Variants in AGBL1 observed in about 807,000 individuals in gnomAD.
The protein encoded by AGBL1 is AGBL carboxypeptidase 1, also known as cytosolic carboxypeptidase 4.
A neutral mutation model predicts 118.9 loss-of-function variants in AGBL1; 130 were observed. The ratio of observed to expected loss-of-function variants is 1.09; its 90% CI spans 0.95 to 1.26. The LOEUF is 1.26. AGBL1 is among the 50% of genes most tolerant of loss of function. The pLI is 0.00. For synonymous variants in AGBL1, 555 were observed against 478.9 expected, an observed-to-expected ratio of 1.16 and a Z score of -2.08; for missense variants, 1,584 against 1,298.1, an observed-to-expected ratio of 1.22 and a Z score of -3.38.
chr15:86,182,393 C>G (rs1328875878), intron 5 of AGBL1, among the ~76,000 whole-genome samples: 3 of 151,934 alleles, frequency 2.0e-5, no homozygotes, highest in East Asian at 3.9e-4. Flanking sequence ...CTGCTACATC[C>G]TATCTGCTGT....
chr15:86,208,760 CA>C lies in AGBL1; in HGVS notation c.489-16147del, dbSNP rs559328935. Reference sequence around the variant, plus strand: ...AGTCTATCAATTATGTTGATGTTTTCAAAAAAACAGCTCCTGGATTCATTGA... The same window carrying C: ...AGTCTATCAATTATGTTGATGTTTTCAAAAAACAGCTCCTGGATTCATTGA... On this transcript the variant is annotated intron_variant, in intron 5 of 22. Transcript: ENST00000614907. Among the ~76,000 whole-genome samples, 452 of 152,044 alleles carry C rather than the reference CA, an allele frequency of 3.0e-3. 1 individual carries two copies. The highest frequency in any genetic ancestry group is 0.01 in the African/African-American group (433 of 41,462).
At chr15:86,221,438 C>T (rs1268251076) in intron 5 of AGBL1, among the ~76,000 whole-genome samples, 2 of 152,164 alleles carry the variant, frequency 1.3e-5, no homozygotes, top group Non-Finnish European at 2.9e-5. Flanking sequence ...TTTTTGTGGG[C>T]TTAGCAGTTG....
chr15:86,275,566 T>A (rs2079237979), intron 15 of AGBL1, among the ~76,000 whole-genome samples: 1 of 152,212 alleles, frequency 6.6e-6, no homozygotes, highest in Admixed American at 6.5e-5. Context: ...TATTTTTAAG[T>A]ACAAATGGAA....
At chr15:86,152,635 C>T (rs2077129168) in intron 3 of AGBL1, among the ~76,000 whole-genome samples, 1 of 152,144 alleles carries the variant, frequency 6.6e-6, no homozygotes, top group Non-Finnish European at 1.5e-5. Flanking sequence ...ACACCAAAAG[C>T]AATGGCAACA....
chr15:86,425,986 G>C (rs1285694082), intron 18 of AGBL1, among the ~76,000 whole-genome samples: 1 of 151,966 alleles, frequency 6.6e-6, no homozygotes, highest in Non-Finnish European at 1.5e-5. Flanking sequence ...AATTCACCAA[G>C]AGAAACAGGA....
intron 18 of AGBL1, among the ~76,000 whole-genome samples, chr15:86,491,499 G>T (rs373889302): frequency 2.0e-5 from 3 of 152,060 alleles, no homozygotes; most frequent in Non-Finnish European, 1.5e-5. Flanking sequence ...GTGCACTTTT[G>T]ATCACTTTGG....
At chr15:86,844,308 T>C (rs2079287883) in intron 22 of AGBL1, among the ~76,000 whole-genome samples, 1 of 152,206 alleles carries the variant, frequency 6.6e-6, no homozygotes, top group Non-Finnish European at 1.5e-5. Context: ...TTTAAGTGGC[T>C]GTACCTTTTA....
Position 86,143,722 on chromosome 15 carries a change from A to G in AGBL1, c.139A>G (p.Met47Val), listed in dbSNP as rs1227804347. Residue 47 changes from methionine to valine, a missense_variant, in exon 3 of 23, where the codon ATG becomes GTG. Physicochemically the swap from Met to Val is conservative, Grantham distance 21 (BLOSUM62 1). Coordinates refer to ENST00000614907, the MANE Select transcript of AGBL1 (RefSeq NM_001386094.1). ...SVGTDRRIHYMISKGGSEALL... is the reference protein window; with the variant it reads ...SVGTDRRIHYVISKGGSEALL... Reference sequence around the variant, plus strand: ...AGGCACAGACCGGAGAATTCACTACATGATCAGCAAGGGTGGCAGTGAAGC... The same window carrying G: ...AGGCACAGACCGGAGAATTCACTACGTGATCAGCAAGGGTGGCAGTGAAGC... 6 of 1,613,800 alleles carry G rather than the reference A, an allele frequency of 3.7e-6. No individual in the cohort carries two copies. The highest frequency in any genetic ancestry group is 5.1e-6 in the Non-Finnish European group (6 of 1,179,762).
chr15:86,228,465 T>C (rs1312021824), intron 6 of AGBL1, among the ~76,000 whole-genome samples: 1 of 152,156 alleles, frequency 6.6e-6, no homozygotes, highest in South Asian at 2.1e-4. Flanking sequence ...CTGATCTAAG[T>C]AAAGCCAGGA....
At chr15:86,857,346 C>T (rs533636520) in intron 22 of AGBL1, among the ~76,000 whole-genome samples, 1 of 152,294 alleles carries the variant, frequency 6.6e-6, no homozygotes, top group Admixed American at 6.5e-5. Flanking sequence ...CATGATCTTT[C>T]TCATGGCCTG....
chr15:86,740,314 G>A (rs561969817), intron 22 of AGBL1, among the ~76,000 whole-genome samples: 1 of 152,284 alleles, frequency 6.6e-6, no homozygotes, highest in Non-Finnish European at 1.5e-5. Context: ...ACCATTAACT[G>A]CTCTGAACCT....
At chr15:86,292,042 G>A (rs1287290342) in intron 16 of AGBL1, among the ~76,000 whole-genome samples, 1 of 152,202 alleles carries the variant, frequency 6.6e-6, no homozygotes, top group Non-Finnish European at 1.5e-5. Context: ...CTAAGACACA[G>A]TTGGGTTTAT....
intron 23 of AGBL1, among the ~76,000 whole-genome samples, chr15:86,946,976 T>C (rs1034471486): frequency 3.3e-5 from 5 of 152,144 alleles, no homozygotes; most frequent in African/African-American, 9.7e-5. Context: ...GTGGCATCTT[T>C]TCATATGGGC....
intron 18 of AGBL1, among the ~76,000 whole-genome samples, chr15:86,447,748 C>T (rs17672796): frequency 0.042 from 6,401 of 152,064 alleles, 197 homozygotes; most frequent in South Asian, 0.097. Flanking sequence ...AAGGCCAGCG[C>T]GGAATATCTG....
In AGBL1 at chr15:86,907,990, A is replaced by T. The variant is rs2080303370; in HGVS notation, c.*696A>T. 6.6e-6 allele frequency: 1 copy of T among 152,158 alleles called. No individual in the cohort carries two copies. The highest frequency in any genetic ancestry group is 6.5e-5 in the Admixed American group (1 of 15,274). 9.4% of individuals were successfully genotyped at this position (152,158 alleles called of 1,614,324 possible). A position where few individuals can be genotyped will look rare whatever the true frequency, so the allele number is the denominator to read the frequency against. On this transcript the variant is annotated 3_prime_UTR_variant, in exon 23 of 23. Transcript: ENST00000614907. ...CCTATGTATTCAGATCACCAAACAT[A>T]ATGCTAGGAAGTACCAGACCTACTG...
intron 18 of AGBL1, among the ~76,000 whole-genome samples, chr15:86,490,095 T>G (rs531996835): frequency 1.5e-3 from 222 of 152,200 alleles, no homozygotes; most frequent in African/African-American, 5.0e-3. Flanking sequence ...GAGGGCCCAT[T>G]TTCCCACAAG....
intron 21 of AGBL1, among the ~76,000 whole-genome samples, chr15:86,571,373 C>G (rs1022499716): frequency 6.6e-6 from 1 of 152,160 alleles, no homozygotes; most frequent in Non-Finnish European, 1.5e-5. Context: ...GGTTCACAGA[C>G]AAGTGGAGGA....
At chr15:86,694,702 C>T (rs1185745997) in intron 22 of AGBL1, among the ~76,000 whole-genome samples, 1 of 151,994 alleles carries the variant, frequency 6.6e-6, no homozygotes, top group African/African-American at 2.4e-5. Flanking sequence ...TTCAACTTTT[C>T]CCCATTCAGT....
chr15:86,490,783 T>C (rs1452597543), intron 18 of AGBL1, among the ~76,000 whole-genome samples: 1 of 152,130 alleles, frequency 6.6e-6, no homozygotes, highest in Non-Finnish European at 1.5e-5. Context: ...GCACCTGCTG[T>C]ATTAAAACAA....
Sources: allele counts gnomAD v4.1 joint callset (sites outside exome capture counted in the v4.1 genomes callset), GRCh38; gene constraint gnomAD v4.1.1; transcripts MANE v1.5; gene names NCBI Gene and HGNC (gene_info 2026-07-23, HGNC 2026-07-21).